TBC1D5: variants seen among roughly 807,000 people sequenced by gnomAD.
TBC1D5 encodes the protein TBC1 domain family member 5.
Under a neutral mutation model 100.3 loss-of-function variants are expected in TBC1D5, and 75 were observed. The ratio of observed to expected loss-of-function variants is 0.75; its 90% CI spans 0.62 to 0.91. TBC1D5 has a LOEUF of 0.91. Among genes scored for constraint, TBC1D5 ranks in the 40% least tolerant of loss-of-function variants. The pLI, the probability that TBC1D5 is intolerant of heterozygous loss-of-function variation, is 0.00. For missense variants in TBC1D5, 910 were observed against 942.4 expected, an observed-to-expected ratio of 0.97 and a Z score of 0.45; for synonymous variants, 323 against 325.6, an observed-to-expected ratio of 0.99 and a Z score of 0.09.
chr3:17,644,504 G>A (rs1490288482), intron 1 of TBC1D5, among the ~76,000 whole-genome samples: 4 of 152,044 alleles, frequency 2.6e-5, no homozygotes, highest in Non-Finnish European at 5.9e-5. Flanking sequence ...CACAGTGCCT[G>A]GCACATAACA....
intron 18 of TBC1D5, among the ~76,000 whole-genome samples, chr3:17,189,202 T>A (rs1000261217): frequency 2.0e-5 from 3 of 152,194 alleles, no homozygotes; most frequent in Admixed American, 6.5e-5. Context: ...TTTAAAAAAA[T>A]TTTTTTATAA....
At chr3:17,325,865 A>T (rs283935) in intron 13 of TBC1D5, among the ~76,000 whole-genome samples, 61,878 of 151,986 alleles carry the variant, frequency 0.41, 13,255 homozygotes, top group Middle Eastern at 0.5. Flanking sequence ...CTATATTTCG[A>T]TAAGCTTGAC....
intron 4 of TBC1D5, among the ~76,000 whole-genome samples, chr3:17,411,751 T>C (rs1411191181): frequency 1.3e-4 from 20 of 152,190 alleles, no homozygotes; most frequent in Admixed American, 8.5e-4. Flanking sequence ...GATAATTATT[T>C]GTTAGCTTAA....
At chr3:17,179,827 C>G (rs898607394) in intron 19 of TBC1D5, among the ~76,000 whole-genome samples, 6 of 152,158 alleles carry the variant, frequency 3.9e-5, no homozygotes, top group African/African-American at 1.4e-4. Flanking sequence ...TGCTGGAAAC[C>G]AAGGTGTCCA....
At chr3:17,226,027 C>T (rs949779391) in intron 17 of TBC1D5, among the ~76,000 whole-genome samples, 1 of 151,780 alleles carries the variant, frequency 6.6e-6, no homozygotes, top group Non-Finnish European at 1.5e-5. Context: ...AACCAATCCC[C>T]CACAGATACT....
At chr3:17,334,674 C>T (rs188727427) in intron 13 of TBC1D5, among the ~76,000 whole-genome samples, 34 of 152,194 alleles carry the variant, frequency 2.2e-4, no homozygotes, top group Admixed American at 1.2e-3. Flanking sequence ...GCAAATACAC[C>T]TTTCTCATTC....
intron 3 of TBC1D5, among the ~76,000 whole-genome samples, chr3:17,466,597 C>T (rs1413361681): frequency 6.6e-6 from 1 of 152,134 alleles, no homozygotes; most frequent in Non-Finnish European, 1.5e-5. Flanking sequence ...TATTAGTTCC[C>T]AGTATAATTT....
chr3:17,705,540 C>T (rs2153902916), intron 1 of TBC1D5, among the ~76,000 whole-genome samples: 2 of 144,884 alleles, frequency 1.4e-5, no homozygotes, highest in Admixed American at 6.8e-5. Context: ...ACGGGGCGGC[C>T]GGGCAGAGAC....
intron 1 of TBC1D5, among the ~76,000 whole-genome samples, chr3:17,684,688 C>T (rs1200878922): frequency 6.6e-6 from 1 of 151,970 alleles, no homozygotes; most frequent in Non-Finnish European, 1.5e-5. Context: ...CTACAGCTTG[C>T]ATTTATAAAG....
intron 2 of TBC1D5, among the ~76,000 whole-genome samples, chr3:17,519,589 T>C (rs1381131958): frequency 4.6e-5 from 7 of 152,214 alleles, no homozygotes; most frequent in Non-Finnish European, 7.4e-5. Flanking sequence ...ATTGTGAGGA[T>C]AGGGGACCTG....
chr3:17,400,433 A>G (rs2093616360), intron 8 of TBC1D5, among the ~76,000 whole-genome samples: 1 of 152,184 alleles, frequency 6.6e-6, no homozygotes. Flanking sequence ...AAATAAGACT[A>G]ACCGCCTTAC....
intron 18 of TBC1D5, among the ~76,000 whole-genome samples, chr3:17,201,481 A>T (rs2071452290): frequency 6.6e-6 from 1 of 152,184 alleles, no homozygotes; most frequent in South Asian, 2.1e-4. Flanking sequence ...TCAGGAAAAG[A>T]GAGGAAGCTT....
intron 16 of TBC1D5, among the ~76,000 whole-genome samples, chr3:17,243,173 A>G (rs2076446549): frequency 1.3e-5 from 2 of 152,290 alleles, no homozygotes; most frequent in Middle Eastern, 3.4e-3. Context: ...TTGTGTAACC[A>G]TGAGAGAGTT....
chr3:17,595,090 C>T (rs568642944), intron 2 of TBC1D5, among the ~76,000 whole-genome samples: 110 of 152,290 alleles, frequency 7.2e-4, no homozygotes, highest in Non-Finnish European at 1.2e-3. Context: ...ATCTTTCTCT[C>T]GTGCTAGATG....
chr3:17,453,381 T>C (rs901809192), intron 3 of TBC1D5, among the ~76,000 whole-genome samples: 5 of 151,970 alleles, frequency 3.3e-5, no homozygotes, highest in Non-Finnish European at 7.4e-5. Flanking sequence ...AGTTGGTTTT[T>C]TGAAACGATA....
intron 1 of TBC1D5, among the ~76,000 whole-genome samples, chr3:17,646,208 A>G (rs1450676865): frequency 6.6e-6 from 1 of 152,116 alleles, no homozygotes; most frequent in Non-Finnish European, 1.5e-5. Context: ...GAAGTAATAT[A>G]ATACATCCAC....
Position 17,161,236 on chromosome 3 carries a change from C to T in TBC1D5, c.2115G>A (p.Gly705=), listed in dbSNP as rs1324315159. The change falls in exon 22 of 22, where the codon GGG becomes GGA. Residue 705 remains glycine, a synonymous_variant. Coordinates refer to ENST00000253692, the Ensembl canonical transcript of TBC1D5. Reference sequence around the variant, plus strand: ...CATCGGAATTCCCTCTATCAGTGCACCCTGGCGTTTCTGAAGAGGCCTGTG... The same window carrying T: ...CATCGGAATTCCCTCTATCAGTGCATCCTGGCGTTTCTGAAGAGGCCTGTG... 4 of 1,612,602 alleles carry T rather than the reference C, an allele frequency of 2.5e-6. No homozygotes were observed. In the Admixed American group the frequency reaches 5.0e-5, roughly 20 times the overall value.
At chr3:17,735,532 C>T (rs2153995300) in intron 1 of TBC1D5, among the ~76,000 whole-genome samples, 1 of 152,264 alleles carries the variant, frequency 6.6e-6, no homozygotes, top group East Asian at 1.9e-4. Flanking sequence ...TGTTCTCTGA[C>T]CTGGGGTTCT....
chr3:17,348,886 T>C (rs1006420337), intron 13 of TBC1D5, among the ~76,000 whole-genome samples: 1 of 152,180 alleles, frequency 6.6e-6, no homozygotes, highest in African/African-American at 2.4e-5. Context: ...CTAGAATCTC[T>C]AAATTCTAGA....
Sources: allele counts gnomAD v4.1 joint callset (sites outside exome capture counted in the v4.1 genomes callset), GRCh38; gene constraint gnomAD v4.1.1; transcripts MANE v1.5; gene names NCBI Gene and HGNC (gene_info 2026-07-23, HGNC 2026-07-21).